DYRK2: variants seen among roughly 807,000 people sequenced by gnomAD.
The protein encoded by DYRK2 is dual specificity tyrosine-phosphorylation-regulated kinase 2.
DYRK2 carries 12 observed loss-of-function variants against 41.6 expected under a neutral mutation model. That is an observed-to-expected ratio of 0.29 (90% CI 0.18 to 0.47). The LOEUF (loss-of-function observed/expected upper bound fraction) is 0.47, where lower values mean the gene tolerates loss of function less well. Among genes scored for constraint, DYRK2 ranks in the 20% least tolerant of loss-of-function variants. The pLI is 1.00. For missense variants in DYRK2, 678 were observed against 798.4 expected (o/e 0.85, Z 1.82); for synonymous variants, 322 against 315.7 (o/e 1.02, Z -0.21).
Position 67,657,415 on chromosome 12 carries a change from T to C in DYRK2, c.508T>C (p.Phe170Leu). Residue 170 changes from phenylalanine to leucine, a missense_variant, in exon 3 of 3, where the codon TTC becomes CTC. Phe to Leu is a conservative substitution (Grantham distance 22). Around this residue, in one of 2 missense-constraint regions of DYRK2, gnomAD observed 285 missense variants for 279.2 expected, o/e 1.02. Transcript: ENST00000344096. The surrounding 1 kb of genome is among the most constrained non-coding windows in gnomAD (Gnocchi z 4.8). ...GCAATACATGCAAAAACTCACAGCC[T>C]TCGAACACCATGAGATTTTCAGCTA... ...MKQYMQKLTAFEHHEIFSYPE... is the reference protein window; with the variant it reads ...MKQYMQKLTALEHHEIFSYPE... 1 of 1,614,148 alleles carries C rather than the reference T, an allele frequency of 6.2e-7. No homozygotes were observed. Among genetic ancestry groups the C allele is most frequent in the Non-Finnish European group, 8.5e-7 (1 of 1,180,028 alleles).
chr12:67,656,986 C>CA (rs879834687), intron 2 of DYRK2, 120 bp from the exon 3 acceptor site: 9 of 1,129,226 alleles, frequency 8.0e-6, no homozygotes, highest in Non-Finnish European at 1.1e-5. Flanking sequence ...GGCTTTTACT[C>CA]AAACCAAATG....
rs1464337618 is a variant in DYRK2, at chr12:67,660,304, G to A, written c.*1591G>A. 1.8e-5 allele frequency: 3 copies of A among 166,524 alleles called. No individual in the cohort carries two copies. The highest frequency in any genetic ancestry group is 1.3e-4 in the Admixed American group (2 of 15,232). 10.3% of individuals were successfully genotyped at this position (166,524 alleles called of 1,614,324 possible). The stretch of plus-strand genomic sequence containing the variant: ...AGTACTTAAAAGCGTGGTCCCCAGT[G>A]AGGCCAAGAAAGTTTCCGGTTAAGT... On this transcript the variant is annotated 3_prime_UTR_variant, in exon 3 of 3. Transcript: ENST00000344096.
rs774328160 is a variant in DYRK2 at position 67,658,273 on chromosome 12, G to T, written c.1366G>T (p.Val456Leu). 2.5e-5 allele frequency: 41 copies of T among 1,614,070 alleles called. No individual in the cohort carries two copies. The highest frequency in any genetic ancestry group is 3.4e-5 in the Non-Finnish European group (40 of 1,180,044). ...TGCATCCAAACGAGCCAAAAATTTT[G>T]TGAGCTCCAAGGGTTATCCCCGTTA... Reference protein sequence around the residue: ...LDASKRAKNFVSSKGYPRYCT... With the variant: ...LDASKRAKNFLSSKGYPRYCT... Residue 456 changes from valine to leucine, a missense_variant, in exon 3 of 3, where the codon GTG becomes TTG. Val to Leu is a conservative substitution (Grantham distance 32). Transcript: ENST00000344096. This position sits in a 1 kb window ranked among gnomAD's most constrained non-coding sequence, Gnocchi z 4.3.
In DYRK2 at chr12:67,658,040, G is replaced by A. The variant is rs543503984; in HGVS notation, c.1133G>A (p.Arg378His). The change falls in exon 3 of 3, where the codon CGT becomes CAT. Residue 378 changes from arginine (R) to histidine (H), a missense_variant. Around this residue, in one of 2 missense-constraint regions of DYRK2, gnomAD observed 393 missense variants for 519.1 expected, o/e 0.76. Transcript: ENST00000344096. The surrounding 1 kb of genome is among the most constrained non-coding windows in gnomAD (Gnocchi z 4.3). ...DFGSSCYEHQ[R>H]VYTYIQSRFY... is the part of the protein sequence containing the mutation. Reference sequence around the variant, plus strand: ...GGCTCCAGTTGTTACGAGCATCAGCGTGTCTACACGTACATCCAGTCGCGT... The same window carrying A: ...GGCTCCAGTTGTTACGAGCATCAGCATGTCTACACGTACATCCAGTCGCGT... 5.0e-6 allele frequency: 8 copies of A among 1,614,226 alleles called. No homozygotes were observed. The highest frequency in any genetic ancestry group is 2.2e-5 in the South Asian group (2 of 91,082).
Position 67,649,078 on chromosome 12 carries a change from A to T in DYRK2, c.-56A>T. The T allele has an allele frequency of 1.8e-5, 25 of 1,424,966 alleles. No homozygotes were observed. Among genetic ancestry groups the T allele is most frequent in the Non-Finnish European group, 2.1e-5 (23 of 1,071,770 alleles). The allele number at this position is 1,424,966 out of a possible 1,614,324, so 88.3% of individuals were successfully genotyped here. A position where few individuals can be genotyped will look rare whatever the true frequency, so the allele number is the denominator to read the frequency against. Reference sequence around the variant, plus strand: ...GGCGGCGGCGGCCGCCAGAAGTAGCAGCAGGACCGGCGGCGGCGACGGCAG... The same window carrying T: ...GGCGGCGGCGGCCGCCAGAAGTAGCTGCAGGACCGGCGGCGGCGACGGCAG... On this transcript the variant is annotated 5_prime_UTR_variant, in exon 1 of 3. Coordinates refer to ENST00000344096, the MANE Select transcript of DYRK2 (RefSeq NM_006482.3).
Position 67,658,944 on chromosome 12 carries a change from C to T in DYRK2, c.*231C>T. ...AGAAACTTTTTGTGTTCTAAAAGTA[C>T]AATGAGCCTTACTGTATTTAGTGTG... On this transcript the variant is annotated 3_prime_UTR_variant, in exon 3 of 3. Transcript: ENST00000344096. This position sits in a 1 kb window ranked among gnomAD's most constrained non-coding sequence, Gnocchi z 4.3. The T allele has an allele frequency of 2.3e-6, 1 of 442,976 alleles. No homozygotes were observed. Among genetic ancestry groups the T allele is most frequent in the East Asian group, 4.2e-5 (1 of 23,872 alleles). The allele number at this position is 442,976 out of a possible 1,614,324, so 27.4% of individuals were successfully genotyped here. A position where few individuals can be genotyped will look rare whatever the true frequency, so the allele number is the denominator to read the frequency against.
chr12:67,649,141 C>T lies in DYRK2; in HGVS notation c.8C>T (p.Thr3Ile). 3.3e-6 allele frequency: 5 copies of T among 1,512,678 alleles called. No individual in the cohort carries two copies. The highest frequency in any genetic ancestry group is 4.4e-6 in the Non-Finnish European group (5 of 1,126,932). The allele number at this position is 1,512,678 out of a possible 1,614,324, so 93.7% of individuals were successfully genotyped here. The part of the protein sequence containing the change: ML[T>I]RKPSAAAPAA... ...TTTTCCTCTCCAGCGGCCATGTTAACCAGGAAACCTTCGGCCGCCGCTCCC... is the reference window on the plus strand; with the variant it reads ...TTTTCCTCTCCAGCGGCCATGTTAATCAGGAAACCTTCGGCCGCCGCTCCC... The change falls in exon 1 of 3, where the codon ACC becomes ATC. Residue 3 changes from threonine to isoleucine, a missense_variant. Thr to Ile is a moderately conservative substitution (Grantham distance 89, BLOSUM62 -1). This residue lies in a region of DYRK2 where 285 missense variants were observed against 279.2 expected (regional missense o/e 1.02). Coordinates refer to ENST00000344096, the MANE Select transcript of DYRK2 (RefSeq NM_006482.3).
chr12:67,658,923 A>G lies in DYRK2; in HGVS notation c.*210A>G, dbSNP rs1310265614. 6 of 501,128 alleles carry G rather than the reference A, an allele frequency of 1.2e-5. No individual in the cohort carries two copies. Among genetic ancestry groups the G allele is most frequent in the Non-Finnish European group, 2.0e-5 (6 of 294,832 alleles). The allele number at this position is 501,128 out of a possible 1,614,324, so 31.0% of individuals were successfully genotyped here. A position where few individuals can be genotyped will look rare whatever the true frequency, so the allele number is the denominator to read the frequency against. On this transcript the variant is annotated 3_prime_UTR_variant, in exon 3 of 3. Coordinates refer to ENST00000344096, the MANE Select transcript of DYRK2 (RefSeq NM_006482.3). This position sits in a 1 kb window ranked among gnomAD's most constrained non-coding sequence, Gnocchi z 4.3. The stretch of plus-strand genomic sequence containing the variant: ...GCTTTAAGTTTTTATACTTTCAGAA[A>G]CTTTTTGTGTTCTAAAAGTACAATG...
rs373326108 is a variant in DYRK2 at position 67,657,280 on chromosome 12, C to T, written c.373C>T (p.Arg125Trp). The T allele has an allele frequency of 2.6e-5, 42 of 1,613,706 alleles. No homozygotes were observed. The Admixed American group carries it at 3.0e-4, about 12-fold the overall frequency. The change falls in exon 3 of 3, where the codon CGG becomes TGG. Residue 125 changes from arginine (R) to tryptophan (W), a missense_variant. Coordinates refer to ENST00000344096, the MANE Select transcript of DYRK2 (RefSeq NM_006482.3). This position sits in a 1 kb window ranked among gnomAD's most constrained non-coding sequence, Gnocchi z 4.8. Reference sequence around the variant, plus strand: ...AACGGGCTTGCCAGTGGTGCCAGAGCGGCAGCTGGACAGCATTCATAGACG... The same window carrying T: ...AACGGGCTTGCCAGTGGTGCCAGAGTGGCAGCTGGACAGCATTCATAGACG... ...GKTGLPVVPE[R>W]QLDSIHRRQG... is the part of the protein sequence containing the mutation.
Position 67,657,584 on chromosome 12 carries a change from A to G in DYRK2, c.677A>G (p.Lys226Arg), listed in dbSNP as rs1195090573. 3 of 1,613,954 alleles carry G rather than the reference A, an allele frequency of 1.9e-6. No homozygotes were observed. Among genetic ancestry groups the G allele is most frequent in the African/African-American group, 1.3e-5 (1 of 74,918 alleles). Reference sequence around the variant, plus strand: ...GTGGCTTACAGGTATGAGGTCCTCAAGGTCATTGGGAAGGGGAGCTTTGGG... The same window carrying G: ...GTGGCTTACAGGTATGAGGTCCTCAGGGTCATTGGGAAGGGGAGCTTTGGG... ...DHVAYRYEVL[K>R]VIGKGSFGQV... The change falls in exon 3 of 3, where the codon AAG becomes AGG. Residue 226 changes from lysine (K) to arginine (R), a missense_variant. Physicochemically the swap from Lys to Arg is conservative, Grantham distance 26. Coordinates refer to ENST00000344096, the MANE Select transcript of DYRK2 (RefSeq NM_006482.3). The surrounding 1 kb of genome is among the most constrained non-coding windows in gnomAD (Gnocchi z 4.8).
Position 67,657,093 on chromosome 12 carries a change from G to A in DYRK2, c.199-13G>A. On this transcript the variant is annotated splice_polypyrimidine_tract_variant and intron_variant, in intron 2 of 2. Transcript: ENST00000344096. This position sits in a 1 kb window ranked among gnomAD's most constrained non-coding sequence, Gnocchi z 4.8. ...CACTTCTTTTCTATTTATATTTCCT[G>A]TCTGAATTCCAGATTGGCGGCAGTA... The A allele has an allele frequency of 6.5e-7, 1 of 1,535,066 alleles. No individual in the cohort carries two copies. Among genetic ancestry groups the A allele is most frequent in the Non-Finnish European group, 8.8e-7 (1 of 1,140,560 alleles).
Position 67,662,721 on chromosome 12 carries a change from T to TG in DYRK2, c.*4008_*4009insG, listed in dbSNP as rs549157418. On this transcript the variant is annotated 3_prime_UTR_variant, in exon 3 of 3. Transcript: ENST00000344096. ...CCTGATCTATTTCTGGTATTATCCT[T>TG]TGTCAATTAGCCTGGAGAGGGTTTA... 14 of 162,150 alleles carry TG rather than the reference T, an allele frequency of 8.6e-5. No individual in the cohort carries two copies. In the East Asian group the frequency reaches 1.9e-3, roughly 22 times the overall value. The allele number at this position is 162,150 out of a possible 1,614,324, so 10.0% of individuals were successfully genotyped here.
Position 67,661,633 on chromosome 12 carries a change from T to G in DYRK2, c.*2920T>G, listed in dbSNP as rs1325495695. ...GAACCCATCTCTGCAAAGATACATC[T>G]GTCTTAAATATCTAGTTACAGGCCT... On this transcript the variant is annotated 3_prime_UTR_variant, in exon 3 of 3. Transcript: ENST00000344096. The G allele has an allele frequency of 6.0e-6, 1 of 167,080 alleles. No individual in the cohort carries two copies. Among genetic ancestry groups the G allele is most frequent in the African/African-American group, 2.4e-5 (1 of 41,460 alleles). 10.3% of individuals were successfully genotyped at this position (167,080 alleles called of 1,614,324 possible).
In DYRK2 at chr12:67,664,511, A is replaced by G. The variant is rs1451944615; in HGVS notation, c.*5798A>G. The G allele has an allele frequency of 3.9e-5, 6 of 152,154 alleles. No homozygotes were observed. The highest frequency in any genetic ancestry group is 9.7e-5 in the African/African-American group (4 of 41,436). The allele number at this position is 152,154 out of a possible 1,614,324, so 9.4% of individuals were successfully genotyped here. On this transcript the variant is annotated 3_prime_UTR_variant, in exon 3 of 3. Transcript: ENST00000344096. ...CATCAGTTTATCCTTATACATCCCT[A>G]TGAGCTATAATTATCCTCATTTGAT...
In DYRK2 at chr12:67,658,677, T is replaced by G. The variant is rs751580966; in HGVS notation, c.1770T>G (p.Ile590Met). ...LAQMTDANGN[I>M]QQRTVLPKLV... ...AGATGACAGATGCCAATGGGAATAT[T>G]CAGCAGAGGACAGTGTTGCCAAAAC... The change falls in exon 3 of 3, where the codon ATT (isoleucine) becomes ATG (methionine). Residue 590 changes from isoleucine (I) to methionine (M), a missense_variant. By Grantham distance (10) the Ile-to-Met change is conservative (BLOSUM62 1). Coordinates refer to ENST00000344096, the MANE Select transcript of DYRK2 (RefSeq NM_006482.3). This position sits in a 1 kb window ranked among gnomAD's most constrained non-coding sequence, Gnocchi z 4.3. 6.2e-7 allele frequency: 1 copy of G among 1,613,204 alleles called. No homozygotes were observed. The highest frequency in any genetic ancestry group is 1.1e-5 in the South Asian group (1 of 90,912).
In DYRK2 at chr12:67,649,066, G is replaced by A; in HGVS notation, c.-68G>A. The A allele has an allele frequency of 1.5e-6, 2 of 1,364,080 alleles. No homozygotes were observed. The highest frequency in any genetic ancestry group is 1.9e-6 in the Non-Finnish European group (2 of 1,036,200). 84.5% of individuals were successfully genotyped at this position (1,364,080 alleles called of 1,614,324 possible). ...CGGCCGGGAGGCGGCGGCGGCGGCCGCCAGAAGTAGCAGCAGGACCGGCGG... is the reference window on the plus strand; with the variant it reads ...CGGCCGGGAGGCGGCGGCGGCGGCCACCAGAAGTAGCAGCAGGACCGGCGG... On this transcript the variant is annotated 5_prime_UTR_variant, in exon 1 of 3. Transcript: ENST00000344096.
intron 2 of DYRK2, among the ~76,000 whole-genome samples, chr12:67,650,267 C>T (rs997746866): frequency 2.6e-5 from 4 of 152,322 alleles, no homozygotes; most frequent in East Asian, 1.9e-4. Flanking sequence ...CCAGAGTTCC[C>T]TTCCCTGACC....
chr12:67,649,612 C>T lies in DYRK2; in HGVS notation c.50-185C>T, dbSNP rs1163184435. 53 of 687,550 alleles carry T rather than the reference C, an allele frequency of 7.7e-5. 1 individual carries two copies. The East Asian group carries it at 1.8e-3, about 24-fold the overall frequency. 42.6% of individuals were successfully genotyped at this position (687,550 alleles called of 1,614,324 possible). The stretch of plus-strand genomic sequence containing the variant: ...AGGGCCCCACTTAACTTTGCAGCTG[C>T]CCGCGCCCCGCCCGTGGGTGTGCGC... On this transcript the variant is annotated intron_variant, in intron 1 of 2. Transcript: ENST00000344096.
At chr12:67,650,066 G>A in intron 2 of DYRK2, 121 bp downstream of exon 2, 1 of 1,069,752 alleles carries the variant, frequency 9.3e-7, no homozygotes, top group South Asian at 4.0e-5. Flanking sequence ...GCAGCCCCAC[G>A]CCTCGGGCCG....
Sources: gnomAD v4.1 joint callset for allele counts (sites outside exome capture counted in the v4.1 genomes callset) on GRCh38, gnomAD v4.1.1 for gene constraint, gnomAD v4.1.1 regional missense constraint, Gnocchi (gnomAD v3.1) non-coding constraint, MANE v1.5 for transcripts, NCBI Gene and HGNC (gene_info 2026-07-23, HGNC 2026-07-21) for gene names.